Variants in AFF1 observed in about 807,000 individuals in gnomAD.
The protein encoded by AFF1 is ALF transcription elongation factor 1, also known as AF4/FMR2 family member 1.
A neutral mutation model predicts 121.7 loss-of-function variants in AFF1; 48 were observed. That is an observed-to-expected ratio of 0.39 (90% CI 0.31 to 0.50). The LOEUF is 0.50. Among genes scored for constraint, AFF1 ranks in the 20% least tolerant of loss-of-function variants. The pLI is 0.76. For missense variants in AFF1, 1,523 were observed against 1,511.7 expected (o/e 1.01, Z -0.12); for synonymous variants, 613 against 563.0 (o/e 1.09, Z -1.26).
At chr4:87,049,755 C>A (rs556745279) in intron 4 of AFF1, 1 of 455,914 alleles carries the variant, frequency 2.2e-6, no homozygotes, top group Non-Finnish European at 4.4e-6. Context: ...AGCCCCGTGG[C>A]GCTGTTGGTG....
intron 4 of AFF1, among the ~76,000 whole-genome samples, chr4:87,079,700 A>G (rs985716161): frequency 1.1e-4 from 17 of 152,170 alleles, no homozygotes; most frequent in African/African-American, 3.6e-4. Context: ...TTTCTCTAGG[A>G]TTCAGTCTCC....
intron 2 of AFF1, among the ~76,000 whole-genome samples, chr4:87,045,728 A>C (rs984924708): frequency 1.3e-5 from 2 of 152,100 alleles, no homozygotes; most frequent in Non-Finnish European, 2.9e-5. Context: ...TAATCTTTCA[A>C]AATGTACGCT....
At chr4:86,989,399 A>G (rs1413199372) in intron 2 of AFF1, among the ~76,000 whole-genome samples, 2 of 152,252 alleles carry the variant, frequency 1.3e-5, no homozygotes, top group African/African-American at 2.4e-5. Flanking sequence ...AAAAGAAGAC[A>G]TTTATGCGGC....
intron 8 of AFF1, 102 bp downstream of exon 8, chr4:87,095,071 T>C (rs1724692112): frequency 1.8e-6 from 2 of 1,092,688 alleles, no homozygotes; most frequent in Non-Finnish European, 2.7e-6. Flanking sequence ...GTAATGACAT[T>C]AATAAGACTG....
At chr4:87,030,141 A>C (rs1386324092) in intron 2 of AFF1, among the ~76,000 whole-genome samples, 4 of 152,340 alleles carry the variant, frequency 2.6e-5, no homozygotes, top group African/African-American at 9.6e-5. Context: ...ACTTAAAAAA[A>C]AAAAAATCAC....
At chr4:87,093,043 T>C (rs1224395335) in intron 7 of AFF1, among the ~76,000 whole-genome samples, 1 of 152,232 alleles carries the variant, frequency 6.6e-6, no homozygotes, top group Admixed American at 6.5e-5. Context: ...TATTGCTAAC[T>C]CATGGTTTAG....
intron 4 of AFF1, among the ~76,000 whole-genome samples, chr4:87,071,765 T>A (rs6827213): frequency 0.86 from 130,224 of 152,172 alleles, 56,074 homozygotes; most frequent in African/African-American, 0.96. Flanking sequence ...ACGGTTGCCT[T>A]TTTTCCATAT....
intron 2 of AFF1, chr4:87,036,736 A>G (rs1302580856): frequency 2.1e-6 from 1 of 487,742 alleles, no homozygotes; most frequent in Non-Finnish European, 4.1e-6. Context: ...TATATTAACT[A>G]CCCCAGTTAA....
chr4:87,129,858 T>C (rs543170399), intron 16 of AFF1, among the ~76,000 whole-genome samples: 18 of 152,336 alleles, frequency 1.2e-4, no homozygotes, highest in African/African-American at 4.3e-4. Flanking sequence ...CTGCCCTGTG[T>C]AGAGTGCAGC....
intron 2 of AFF1, among the ~76,000 whole-genome samples, chr4:86,999,511 T>A (rs1231616269): frequency 1.3e-5 from 2 of 152,168 alleles, no homozygotes; most frequent in Non-Finnish European, 2.9e-5. Context: ...AAATGTTCTA[T>A]TTTGGACAAC....
chr4:87,037,880 T>A (rs1169726946), intron 2 of AFF1, among the ~76,000 whole-genome samples: 1 of 152,180 alleles, frequency 6.6e-6, no homozygotes, highest in East Asian at 1.9e-4. Flanking sequence ...AATTTCACTG[T>A]CATGTATCAC....
At chr4:87,013,189 C>T (rs1450518336) in intron 2 of AFF1, among the ~76,000 whole-genome samples, 11 of 151,994 alleles carry the variant, frequency 7.2e-5, no homozygotes, top group Admixed American at 6.6e-4. Flanking sequence ...TACAGGCATG[C>T]TCCACCAAGC....
chr4:86,989,144 A>G (rs190968243), intron 2 of AFF1, among the ~76,000 whole-genome samples: 2 of 152,356 alleles, frequency 1.3e-5, no homozygotes, highest in East Asian at 3.9e-4. Flanking sequence ...CTTCATGACT[A>G]AAACAACAAA....
At chr4:87,125,916 A>G (rs1728191249) in intron 13 of AFF1, among the ~76,000 whole-genome samples, 183 bp from the exon 14 acceptor site, 1 of 152,172 alleles carries the variant, frequency 6.6e-6, no homozygotes, top group Non-Finnish European at 1.5e-5. Flanking sequence ...TTCATTTATC[A>G]CTAATGGGTA....
At chr4:87,119,254 A>G (rs342438) in intron 12 of AFF1, among the ~76,000 whole-genome samples, 90,420 of 151,864 alleles carry the variant, frequency 0.6, 27,121 homozygotes, top group Middle Eastern at 0.7. Flanking sequence ...ACAGTAATAC[A>G]CAACCAGGCC....
At chr4:87,020,736 A>AG in intron 2 of AFF1, 1 of 929,340 alleles carries the variant, frequency 1.1e-6, no homozygotes, top group Non-Finnish European at 1.3e-6. Flanking sequence ...CGCCTGCCTC[A>AG]GCCTCTCAAA....
At chr4:87,015,423 A>C (rs896253084) in intron 2 of AFF1, among the ~76,000 whole-genome samples, 2 of 152,242 alleles carry the variant, frequency 1.3e-5, no homozygotes, top group African/African-American at 4.8e-5. Flanking sequence ...AGGTTTTGCA[A>C]CCTAAAAATA....
intron 13 of AFF1, among the ~76,000 whole-genome samples, chr4:87,125,484 C>G (rs1050609297): frequency 1.3e-5 from 2 of 151,912 alleles, no homozygotes; most frequent in African/African-American, 4.8e-5. Context: ...ATGACTTGTC[C>G]AAAGTCAGAG....
chr4:86,964,826 T>TGA (rs1340913835), intron 2 of AFF1, among the ~76,000 whole-genome samples: 1 of 152,258 alleles, frequency 6.6e-6, no homozygotes, highest in African/African-American at 2.4e-5. Flanking sequence ...TTCTCTCTCC[T>TGA]GATTAGACAC....
Sources: gnomAD v4.1 joint callset for allele counts (sites outside exome capture counted in the v4.1 genomes callset) on GRCh38, gnomAD v4.1.1 for gene constraint, MANE v1.5 for transcripts, NCBI Gene and HGNC (gene_info 2026-07-23, HGNC 2026-07-21) for gene names.